ADARB2: variants seen among roughly 807,000 people sequenced by gnomAD.
ADARB2 encodes adenosine deaminase RNA specific B2 (inactive).
Under a neutral mutation model 62.2 loss-of-function variants are expected in ADARB2, and 25 were observed. The ratio of observed to expected loss-of-function variants is 0.40; its 90% CI spans 0.29 to 0.56. ADARB2 has a LOEUF of 0.56. Among genes scored for constraint, ADARB2 ranks in the 20% least tolerant of loss-of-function variants. ADARB2 has a pLI of 0.43. For synonymous variants in ADARB2, 572 were observed against 500.8 expected (o/e 1.14, Z -1.90); for missense variants, 1,071 against 1,077.4 (o/e 0.99, Z 0.08).
chr10:1,686,571 A>G (rs1834599242), intron 1 of ADARB2, among the ~76,000 whole-genome samples: 1 of 152,172 alleles, frequency 6.6e-6, no homozygotes, highest in Admixed American at 6.5e-5. Context: ...CCCTCGTCAC[A>G]TGAGTAAGGA....
At chr10:1,576,601 G>A (rs1379855778) in intron 1 of ADARB2, among the ~76,000 whole-genome samples, 3 of 152,108 alleles carry the variant, frequency 2.0e-5, no homozygotes, top group Non-Finnish European at 4.4e-5. Context: ...AGCGATCTTC[G>A]GTCTCAAGTG....
chr10:1,210,711 C>T (rs754440768), intron 7 of ADARB2, among the ~76,000 whole-genome samples: 12 of 152,188 alleles, frequency 7.9e-5, no homozygotes, highest in Admixed American at 3.3e-4. Context: ...GTGCAGTGAG[C>T]GGTTCCTGGA....
chr10:1,715,470 G>A (rs1050652708), intron 1 of ADARB2, among the ~76,000 whole-genome samples: 2 of 148,518 alleles, frequency 1.3e-5, no homozygotes, highest in East Asian at 1.9e-4. Flanking sequence ...AATATTAAAT[G>A]TGATTTAAAA....
At chr10:1,302,333 C>T (rs1215658748) in intron 3 of ADARB2, among the ~76,000 whole-genome samples, 2 of 151,450 alleles carry the variant, frequency 1.3e-5, no homozygotes, top group South Asian at 2.2e-4. Context: ...GCTTAAAAAA[C>T]GGCGCACCAC....
intron 1 of ADARB2, among the ~76,000 whole-genome samples, chr10:1,519,811 T>G (rs1335878916): frequency 2.0e-5 from 3 of 152,120 alleles, no homozygotes. Context: ...GCATGGATCT[T>G]GTAACTCTTA....
intron 3 of ADARB2, among the ~76,000 whole-genome samples, chr10:1,298,123 A>C (rs1176896558): frequency 3.9e-5 from 6 of 152,168 alleles, no homozygotes; most frequent in African/African-American, 1.4e-4. Context: ...TCAGAAACAC[A>C]CACATTGTCT....
intron 5 of ADARB2, among the ~76,000 whole-genome samples, chr10:1,234,233 C>A (rs183243571): frequency 2.6e-5 from 4 of 152,064 alleles, no homozygotes; most frequent in African/African-American, 9.7e-5. Flanking sequence ...AGGTGATCCA[C>A]CCACCTCAGT....
intron 8 of ADARB2, among the ~76,000 whole-genome samples, chr10:1,197,501 C>T (rs904905847): frequency 6.6e-6 from 1 of 152,232 alleles, no homozygotes; most frequent in African/African-American, 2.4e-5. Flanking sequence ...TGGCCCTTTT[C>T]ACACTCCAGG....
intron 1 of ADARB2, among the ~76,000 whole-genome samples, chr10:1,461,739 C>T (rs1011415388): frequency 6.6e-5 from 10 of 152,098 alleles, no homozygotes; most frequent in Admixed American, 2.0e-4. Flanking sequence ...GTGGTTCATG[C>T]CTGAAATCCC....
rs575813440 is a variant in ADARB2, at chr10:1,517,734, A to G, written c.101-138574T>C. Among the ~76,000 whole-genome samples, 92 of 152,254 alleles carry G rather than the reference A, an allele frequency of 6.0e-4. 1 individual carries two copies. The South Asian group carries it at 0.017, about 29-fold the overall frequency. On this transcript the variant is annotated intron_variant, in intron 1 of 9. Coordinates refer to ENST00000381312, the MANE Select transcript of ADARB2 (RefSeq NM_018702.4). ...ACTGTGAGAGTCCATTTTCATGAAG[A>G]ATCCTGAAAAGAGCCTGCCCTGAGA...
At position 1,216,956 on chromosome 10, in the gene ADARB2, G is replaced by T. The variant is rs776366797; in HGVS notation, c.1677C>A (p.Ile559=). The change falls in exon 7 of 10, where the codon ATC becomes ATA. Residue 559 remains isoleucine, a synonymous_variant. Coordinates refer to ENST00000381312, the MANE Select transcript of ADARB2 (RefSeq NM_018702.4). ...GAGGAAGCCGTGGGCCTCACCTGGC[G>T]ATCTTGTCCGTGCAGGACATGGTGA... is the stretch of plus-strand genomic sequence containing the variant. ...QLITMSCTDK[I]ARWNVLGLQG... is the part of the protein sequence containing the mutation. The T allele has an allele frequency of 6.2e-7, 1 of 1,606,398 alleles. No homozygotes were observed. Among genetic ancestry groups the T allele is most frequent in the Non-Finnish European group, 8.5e-7 (1 of 1,179,400 alleles).
chr10:1,233,978 C>CTTTTTTTTT lies in ADARB2; in HGVS notation c.1362-142_1362-134dup, dbSNP rs1589160330. 4 of 433,412 alleles carry CTTTTTTTTT rather than the reference C, an allele frequency of 9.2e-6. 2 individuals are homozygous for CTTTTTTTTT. Among genetic ancestry groups the CTTTTTTTTT allele is most frequent in the Non-Finnish European group, 6.4e-6 (2 of 312,792 alleles). 26.8% of individuals were successfully genotyped at this position (433,412 alleles called of 1,614,324 possible). On this transcript the variant is annotated intron_variant, in intron 5 of 9. Transcript: ENST00000381312. ...CTTTATATTTTTCCTTTTTTTTTTC[C>CTTTTTTTTT]TTTTTTTTTTGAGACGGAGTCTTGT...
intron 1 of ADARB2, chr10:1,526,729 C>T (rs753325694): frequency 2.2e-5 from 8 of 371,816 alleles, no homozygotes; most frequent in African/African-American, 1.7e-4. Context: ...CACCCAGCCT[C>T]GGGTGTTCCT....
At chr10:1,618,187 T>C (rs10751808) in intron 1 of ADARB2, among the ~76,000 whole-genome samples, 109,450 of 152,140 alleles carry the variant, frequency 0.72, 39,588 homozygotes, top group African/African-American at 0.81. Context: ...ACAGAATTGC[T>C]CTGTAAATTA....
intron 3 of ADARB2, among the ~76,000 whole-genome samples, chr10:1,360,101 G>C (rs961074979): frequency 6.6e-6 from 1 of 152,244 alleles, no homozygotes; most frequent in Admixed American, 6.5e-5. Flanking sequence ...TCCTGCACGT[G>C]GAAGCCAGCC....
chr10:1,363,032 G>T lies in ADARB2; in HGVS notation c.1073C>A (p.Pro358Gln), dbSNP rs750777792. The T allele has an allele frequency of 7.2e-7, 1 of 1,385,026 alleles. No individual in the cohort carries two copies. Among genetic ancestry groups the T allele is most frequent in the Non-Finnish European group, 9.4e-7 (1 of 1,067,772 alleles). The allele number at this position is 1,385,026 out of a possible 1,614,324, so 85.8% of individuals were successfully genotyped here. The change falls in exon 3 of 10, where the codon CCG (proline) becomes CAG (glutamine). Residue 358 changes from proline to glutamine, a missense_variant. By Grantham distance (76) the Pro-to-Gln change is moderately conservative. Transcript: ENST00000381312. ...TGCACCCGCCGCGCCCCTCACCTGC[G>T]GCATTGGCGTCCTCCTGGCCCTGCC... ...APGRARRTPMPQEFADSISQL... is the reference protein window; with the variant it reads ...APGRARRTPMQQEFADSISQL...
chr10:1,218,420 T>C (rs1484531386), intron 6 of ADARB2, among the ~76,000 whole-genome samples: 1 of 152,224 alleles, frequency 6.6e-6, no homozygotes, highest in Non-Finnish European at 1.5e-5. Context: ...ATTTGAATTA[T>C]ATATAAAATA....
chr10:1,504,461 T>C (rs1014258364), intron 1 of ADARB2, among the ~76,000 whole-genome samples: 3 of 152,188 alleles, frequency 2.0e-5, no homozygotes, highest in Non-Finnish European at 2.9e-5. Context: ...GACACGTGTG[T>C]ACGCGGGCAT....
At chr10:1,555,284 A>T (rs1342316728) in intron 1 of ADARB2, among the ~76,000 whole-genome samples, 1 of 152,220 alleles carries the variant, frequency 6.6e-6, no homozygotes, top group East Asian at 1.9e-4. Context: ...TCCTTGAGAA[A>T]TCTCCAAATT....
Sources: allele counts gnomAD v4.1 joint callset (sites outside exome capture counted in the v4.1 genomes callset), GRCh38; gene constraint gnomAD v4.1.1; transcripts MANE v1.5; gene names NCBI Gene and HGNC (gene_info 2026-07-23, HGNC 2026-07-21).